Variants in PCDH15 observed in about 807,000 individuals in gnomAD.
PCDH15 encodes the protein protocadherin related 15.
In PCDH15, 129 loss-of-function variants were observed where a neutral mutation model predicts 178.5. That is an observed-to-expected ratio of 0.72 (90% CI 0.63 to 0.84). PCDH15 has a LOEUF of 0.84. PCDH15 is among the 40% of genes least tolerant of loss of function. PCDH15 has a pLI of 0.00. For missense variants in PCDH15, 2,230 were observed against 2,099.9 expected, an observed-to-expected ratio of 1.06 and a Z score of -1.21; for synonymous variants, 800 against 732.0, an observed-to-expected ratio of 1.09 and a Z score of -1.50.
intron 3 of PCDH15, among the ~76,000 whole-genome samples, chr10:54,836,518 A>T (rs576873981): frequency 6.6e-6 from 1 of 152,248 alleles, no homozygotes; most frequent in African/African-American, 2.4e-5. Context: ...TGTAATAACT[A>T]AGCAATAAAT....
chr10:54,320,294 C>G (rs752534966), intron 7 of PCDH15, among the ~76,000 whole-genome samples: 2 of 151,990 alleles, frequency 1.3e-5, no homozygotes, highest in African/African-American at 2.4e-5. Flanking sequence ...CTATTTTAAT[C>G]TCCCCTTTGA....
chr10:53,862,306 C>T (rs931247095), intron 27 of PCDH15, among the ~76,000 whole-genome samples: 2 of 152,112 alleles, frequency 1.3e-5, no homozygotes, highest in African/African-American at 2.4e-5. Flanking sequence ...CTGCCTGAGC[C>T]TCCCAAAGTG....
At chr10:55,532,484 C>T (rs1201174541) in intron 2 of PCDH15, among the ~76,000 whole-genome samples, 1 of 151,906 alleles carries the variant, frequency 6.6e-6, no homozygotes, top group African/African-American at 2.4e-5. Flanking sequence ...GCAATGGATT[C>T]AAAAGTGAAT....
intron 5 of PCDH15, among the ~76,000 whole-genome samples, chr10:54,353,626 T>C (rs939581506): frequency 1.3e-5 from 2 of 151,850 alleles, no homozygotes; most frequent in African/African-American, 4.9e-5. Context: ...CCCTTTCCTA[T>C]CTGGCTTCTT....
intron 3 of PCDH15, among the ~76,000 whole-genome samples, chr10:54,425,018 A>G (rs1250479151): frequency 6.6e-6 from 1 of 151,856 alleles, no homozygotes; most frequent in Non-Finnish European, 1.5e-5. Context: ...TAAAAAAAAA[A>G]AAAAAAGAAA....
chr10:54,747,806 ATTTT>A (rs10628733), intron 1 of PCDH15, among the ~76,000 whole-genome samples: 1 of 135,558 alleles, frequency 7.4e-6, no homozygotes, highest in Non-Finnish European at 1.6e-5. Flanking sequence ...CAATGGTTAC[ATTTT>A]TTTTTTTTTT....
chr10:54,315,939 TG>T (rs1049064391), intron 8 of PCDH15, among the ~76,000 whole-genome samples: 50 of 46,890 alleles, frequency 1.1e-3, no homozygotes, highest in African/African-American at 3.1e-3. Context: ...GTGTTTTTTT[TG>T]TTTGTTTGTT....
chr10:54,702,299 A>T (rs1363475915), intron 1 of PCDH15, among the ~76,000 whole-genome samples: 3 of 152,044 alleles, frequency 2.0e-5, no homozygotes, highest in Non-Finnish European at 2.9e-5. Context: ...GGACACAGCT[A>T]AAGCAGTGTT....
intron 2 of PCDH15, among the ~76,000 whole-genome samples, chr10:55,419,469 GT>G (rs1293899679): frequency 6.6e-6 from 1 of 151,746 alleles, no homozygotes; most frequent in African/African-American, 2.4e-5. Flanking sequence ...AGGAGAGATT[GT>G]TTGTATTTCT....
At chr10:55,178,771 C>T (rs1162700963) in intron 1 of PCDH15, among the ~76,000 whole-genome samples, 1 of 152,088 alleles carries the variant, frequency 6.6e-6, no homozygotes, top group Non-Finnish European at 1.5e-5. Flanking sequence ...ATAGTCCTGC[C>T]TATGATTGCT....
chr10:54,617,173 G>C (rs2093190358), intron 2 of PCDH15, among the ~76,000 whole-genome samples: 2 of 151,984 alleles, frequency 1.3e-5, no homozygotes, highest in Admixed American at 1.3e-4. Flanking sequence ...GGGATTACAG[G>C]CATGAGCCAC....
intron 21 of PCDH15, among the ~76,000 whole-genome samples, chr10:53,987,180 G>C (rs1354339542): frequency 2.0e-5 from 3 of 151,650 alleles, no homozygotes; most frequent in Non-Finnish European, 4.4e-5. Flanking sequence ...TAAAAATGAA[G>C]AAAAATTAAT....
intron 3 of PCDH15, among the ~76,000 whole-genome samples, chr10:54,892,723 T>C (rs1426760447): frequency 6.8e-6 from 1 of 146,638 alleles, no homozygotes; most frequent in Admixed American, 6.9e-5. Flanking sequence ...GAAATAATAA[T>C]AATTTTTCTT....
At chr10:54,760,438 C>T (rs1947722704) in intron 1 of PCDH15, among the ~76,000 whole-genome samples, 1 of 152,250 alleles carries the variant, frequency 6.6e-6, no homozygotes, top group Admixed American at 6.5e-5. Flanking sequence ...CCACCCTGTG[C>T]CTCATCTAAT....
chr10:55,162,405 A>C (rs2132114571), intron 2 of PCDH15, among the ~76,000 whole-genome samples: 1 of 152,326 alleles, frequency 6.6e-6, no homozygotes, highest in East Asian at 1.9e-4. Context: ...TTGTGCACAA[A>C]TTATTTAGTG....
chr10:54,137,990 C>A (rs976923453), intron 14 of PCDH15, among the ~76,000 whole-genome samples: 1 of 152,086 alleles, frequency 6.6e-6, no homozygotes, highest in Non-Finnish European at 1.5e-5. Context: ...CAGCAGCTAC[C>A]CCCAACTACA....
intron 2 of PCDH15, among the ~76,000 whole-genome samples, chr10:54,934,162 G>C (rs1453749292): frequency 1.3e-5 from 2 of 152,006 alleles, no homozygotes; most frequent in Non-Finnish European, 2.9e-5. Context: ...TTAATAATTT[G>C]TGGGAATTTT....
intron 3 of PCDH15, among the ~76,000 whole-genome samples, chr10:54,839,865 A>G (rs983302501): frequency 1.3e-5 from 2 of 152,050 alleles, no homozygotes; most frequent in African/African-American, 4.8e-5. Flanking sequence ...TACATATTCA[A>G]AGTGCTGAAG....
chr10:54,350,377 T>G (rs1943977787), intron 5 of PCDH15, among the ~76,000 whole-genome samples: 1 of 152,176 alleles, frequency 6.6e-6, no homozygotes, highest in African/African-American at 2.4e-5. Flanking sequence ...AGATCACTCC[T>G]GTGTATTTCT....
Sources: allele counts gnomAD v4.1 joint callset (sites outside exome capture counted in the v4.1 genomes callset), GRCh38; gene constraint gnomAD v4.1.1; transcripts MANE v1.5; gene names NCBI Gene and HGNC (gene_info 2026-07-23, HGNC 2026-07-21).